The following SPAG16 variants were observed in gnomAD, a reference collection of about 807,000 sequenced individuals.
The protein encoded by SPAG16 is sperm associated antigen 16, also known as sperm-associated antigen 16 protein.
In SPAG16, 86 loss-of-function variants were observed where a neutral mutation model predicts 80.4. The ratio of observed to expected loss-of-function variants is 1.07; its 90% CI spans 0.90 to 1.28. The LOEUF (loss-of-function observed/expected upper bound fraction) is 1.28, where lower values mean the gene tolerates loss of function less well. Ranked by LOEUF, SPAG16 falls within the 50% of genes most tolerant of loss-of-function variation. The pLI is 0.00. For synonymous variants in SPAG16, 294 were observed against 265.9 expected, an observed-to-expected ratio of 1.11 and a Z score of -1.03; for missense variants, 870 against 765.3, an observed-to-expected ratio of 1.14 and a Z score of -1.61.
At chr2:213,961,597 T>C (rs1385876402) in intron 12 of SPAG16, among the ~76,000 whole-genome samples, 3 of 151,838 alleles carry the variant, frequency 2.0e-5, no homozygotes, top group Non-Finnish European at 4.4e-5. Flanking sequence ...TTTTTTTTTT[T>C]TTTGCTGGAT....
intron 15 of SPAG16, among the ~76,000 whole-genome samples, chr2:214,194,768 A>G (rs1200681344): frequency 1.3e-5 from 2 of 152,088 alleles, no homozygotes; most frequent in Non-Finnish European, 2.9e-5. Context: ...GATTTTAAGA[A>G]AGGAGGATTT....
chr2:213,906,542 A>G (rs2077443492), intron 11 of SPAG16, among the ~76,000 whole-genome samples: 1 of 152,222 alleles, frequency 6.6e-6, no homozygotes, highest in Non-Finnish European at 1.5e-5. Context: ...AACACAAAAG[A>G]GCCTAAATAG....
chr2:214,327,262 A>C (rs1430272107), intron 15 of SPAG16, among the ~76,000 whole-genome samples: 1 of 152,224 alleles, frequency 6.6e-6, no homozygotes, highest in Non-Finnish European at 1.5e-5. Flanking sequence ...TGATAAAAAG[A>C]GGAAGTAGTT....
chr2:214,169,931 A>C (rs1377835652), intron 15 of SPAG16, among the ~76,000 whole-genome samples: 1 of 151,986 alleles, frequency 6.6e-6, no homozygotes, highest in Non-Finnish European at 1.5e-5. Flanking sequence ...AGGCCTGCCC[A>C]CTCAGTAGGA....
chr2:213,291,319 A>C lies in SPAG16; in HGVS notation c.137-4745A>C, dbSNP rs561751961. Among the ~76,000 whole-genome samples, 250 of 152,362 alleles carry C rather than the reference A, an allele frequency of 1.6e-3. 1 individual carries two copies. Among genetic ancestry groups the C allele is most frequent in the Middle Eastern group, 6.8e-3 (2 of 294 alleles). On this transcript the variant is annotated intron_variant, in intron 1 of 15. Coordinates refer to ENST00000331683, the MANE Select transcript of SPAG16 (RefSeq NM_024532.5). The stretch of plus-strand genomic sequence containing the variant: ...TGTCCCTACTGCCAGCTAGCTAGCC[A>C]GGTAAACAGATGCGTACAAACATAA...
intron 8 of SPAG16, among the ~76,000 whole-genome samples, chr2:213,372,033 A>G (rs2125183895): frequency 6.6e-6 from 1 of 152,222 alleles, no homozygotes; most frequent in East Asian, 1.9e-4. Context: ...AAAATTACAG[A>G]TTATGTTTTT....
intron 15 of SPAG16, among the ~76,000 whole-genome samples, chr2:214,286,333 C>A (rs1001651703): frequency 1.3e-5 from 2 of 152,134 alleles, no homozygotes; most frequent in Non-Finnish European, 1.5e-5. Flanking sequence ...TCTCACCACA[C>A]ACACACAAAG....
intron 10 of SPAG16, among the ~76,000 whole-genome samples, chr2:213,602,425 A>G (rs889743432): frequency 2.6e-5 from 4 of 152,104 alleles, no homozygotes; most frequent in Non-Finnish European, 5.9e-5. Context: ...CGAGGTCAAG[A>G]GATCAAGACC....
chr2:214,238,163 G>A (rs1429917962), intron 15 of SPAG16: 2 of 435,716 alleles, frequency 4.6e-6, no homozygotes, highest in Non-Finnish European at 9.1e-6. Flanking sequence ...TATAGACTAG[G>A]AGCTCAGATA....
At chr2:213,990,208 T>G (rs1264086882) in intron 12 of SPAG16, among the ~76,000 whole-genome samples, 5 of 152,138 alleles carry the variant, frequency 3.3e-5, no homozygotes, top group Non-Finnish European at 5.9e-5. Context: ...TAGAAATGTG[T>G]TTTATATTTA....
chr2:214,292,592 A>C (rs1055797901), intron 15 of SPAG16, among the ~76,000 whole-genome samples: 1 of 151,642 alleles, frequency 6.6e-6, no homozygotes, highest in East Asian at 1.9e-4. Context: ...AATCATTTTT[A>C]TTTATCTTTC....
At chr2:213,578,947 T>C (rs2060215017) in intron 10 of SPAG16, among the ~76,000 whole-genome samples, 1 of 152,154 alleles carries the variant, frequency 6.6e-6, no homozygotes, top group South Asian at 2.1e-4. Flanking sequence ...TTGTGTGTTT[T>C]ATCATAAAAA....
At chr2:214,116,633 A>T (rs1052427145) in intron 14 of SPAG16, among the ~76,000 whole-genome samples, 7 of 151,990 alleles carry the variant, frequency 4.6e-5, no homozygotes, top group African/African-American at 1.7e-4. Context: ...TGGGAAGCAC[A>T]CCTGTGTGGG....
intron 9 of SPAG16, among the ~76,000 whole-genome samples, chr2:213,387,337 A>G (rs1363755622): frequency 6.6e-6 from 1 of 150,900 alleles, no homozygotes; most frequent in Admixed American, 6.6e-5. Flanking sequence ...AATAGAAAGG[A>G]AATTAGAAAA....
chr2:213,884,489 T>C (rs1041502886), intron 11 of SPAG16, among the ~76,000 whole-genome samples: 5 of 152,164 alleles, frequency 3.3e-5, no homozygotes, highest in African/African-American at 7.2e-5. Flanking sequence ...ATGGTTGTCT[T>C]GTGTAGTATC....
At chr2:213,912,880 C>T (rs183912109) in intron 11 of SPAG16, among the ~76,000 whole-genome samples, 118 of 152,162 alleles carry the variant, frequency 7.8e-4, no homozygotes, top group East Asian at 2.1e-3. Context: ...AATTTGAAGT[C>T]ATTTGTTCAC....
At chr2:213,397,118 G>A (rs1486218463) in intron 9 of SPAG16, among the ~76,000 whole-genome samples, 1 of 152,152 alleles carries the variant, frequency 6.6e-6, no homozygotes, top group Admixed American at 6.5e-5. Flanking sequence ...CTCTTTGGAA[G>A]AAGAAAACAA....
chr2:213,479,599 A>G (rs2073642377), intron 9 of SPAG16, among the ~76,000 whole-genome samples: 1 of 152,088 alleles, frequency 6.6e-6, no homozygotes, highest in Admixed American at 6.6e-5. Flanking sequence ...AAAAAGCACT[A>G]TCTGTTAACA....
At chr2:213,337,603 G>A (rs111640014) in intron 5 of SPAG16, among the ~76,000 whole-genome samples, 3,628 of 152,160 alleles carry the variant, frequency 0.024, 62 homozygotes, top group African/African-American at 0.039. Flanking sequence ...CCAAAGAGAC[G>A]AAGCAGAAGA....
Sources: allele counts gnomAD v4.1 joint callset (sites outside exome capture counted in the v4.1 genomes callset), GRCh38; gene constraint gnomAD v4.1.1; transcripts MANE v1.5; gene names NCBI Gene and HGNC (gene_info 2026-07-23, HGNC 2026-07-21).